The following SLC30A9 variants were observed in gnomAD, a reference collection of about 807,000 sequenced individuals.
SLC30A9 encodes the protein proton-coupled zinc antiporter SLC30A9, mitochondrial.
Under a neutral mutation model 87.5 loss-of-function variants are expected in SLC30A9, and 58 were observed. That is an observed-to-expected ratio of 0.66 (90% CI 0.54 to 0.82). The LOEUF (loss-of-function observed/expected upper bound fraction) is 0.82. SLC30A9 is among the 40% of genes least tolerant of loss of function. SLC30A9 has a pLI of 0.00. For synonymous variants in SLC30A9, 234 were observed against 233.0 expected (o/e 1.00, Z -0.04); for missense variants, 557 against 679.1 (o/e 0.82, Z 2.00).
chr4:42,001,609 C>G lies in SLC30A9; in HGVS notation c.110-7C>G. On this transcript the variant is annotated splice_polypyrimidine_tract_variant and splice_region_variant and intron_variant, in intron 1 of 17. Coordinates refer to ENST00000264451, the MANE Select transcript of SLC30A9 (RefSeq NM_006345.4). ...TGAAATTAAAGTATATATATTTTTT[C>G]TTTTAGAGTGGCAGAATTTAGTGAC... is the stretch of plus-strand genomic sequence containing the variant. The G allele has an allele frequency of 1.9e-6, 3 of 1,557,740 alleles. No homozygotes were observed. The highest frequency in any genetic ancestry group is 2.6e-6 in the Non-Finnish European group (3 of 1,142,362).
intron 8 of SLC30A9, among the ~76,000 whole-genome samples, chr4:42,044,493 A>G (rs899234357): frequency 2.6e-5 from 4 of 152,132 alleles, no homozygotes; most frequent in Non-Finnish European, 4.4e-5. Context: ...TGGTAAAGGG[A>G]TCAATGCAAC....
At position 42,039,046 on chromosome 4, in the gene SLC30A9, A is replaced by G; in HGVS notation, c.730A>G (p.Ile244Val). Reference protein sequence around the residue: ...KGPGKVVMVAICINGLNCFFK... With the variant: ...KGPGKVVMVAVCINGLNCFFK... ...ACCAGGAAAAGTGGTGATGGTTGCA[A>G]TTTGCATGTAAGTACTGAAAAATAA... is the stretch of plus-strand genomic sequence containing the variant. Residue 244 changes from isoleucine (I) to valine (V), a missense_variant, in exon 8 of 18, where the codon ATT (isoleucine) becomes GTT (valine). Coordinates refer to ENST00000264451, the MANE Select transcript of SLC30A9 (RefSeq NM_006345.4). 6.2e-7 allele frequency: 1 copy of G among 1,608,828 alleles called. No individual in the cohort carries two copies. The highest frequency in any genetic ancestry group is 8.5e-7 in the Non-Finnish European group (1 of 1,175,318).
intron 16 of SLC30A9, among the ~76,000 whole-genome samples, chr4:42,076,216 CAG>C (rs1332257423): frequency 6.6e-6 from 1 of 152,194 alleles, no homozygotes; most frequent in South Asian, 2.1e-4. Flanking sequence ...ATTTATAAAA[CAG>C]AATATAATGA....
At position 42,033,859 on chromosome 4, in the gene SLC30A9, G is replaced by A. The variant is rs552630652; in HGVS notation, c.611-1416G>A. Among the ~76,000 whole-genome samples the A allele has an allele frequency of 2.5e-4, 38 of 152,286 alleles. 1 individual carries two copies. In the South Asian group the frequency reaches 7.3e-3, roughly 29 times the overall value. On this transcript the variant is annotated intron_variant, in intron 6 of 17. Coordinates refer to ENST00000264451, the MANE Select transcript of SLC30A9 (RefSeq NM_006345.4). ...CAAAGTGCTGGGATTACAGGCATGA[G>A]CCACCGTGCCCGGCTGCTCTTGCTT...
chr4:42,020,760 C>G (rs1715913806), intron 4 of SLC30A9: 1 of 365,216 alleles, frequency 2.7e-6, no homozygotes. Context: ...GTAAATTCTT[C>G]AAAAGCTTTC....
chr4:42,067,431 G>T (rs1718122456), intron 14 of SLC30A9, among the ~76,000 whole-genome samples: 2 of 152,172 alleles, frequency 1.3e-5, no homozygotes, highest in Admixed American at 1.3e-4. Flanking sequence ...TTTCTGTAAT[G>T]CTGTACGTCT....
At chr4:42,011,660 T>C (rs1042164942) in intron 2 of SLC30A9, among the ~76,000 whole-genome samples, 1 of 152,206 alleles carries the variant, frequency 6.6e-6, no homozygotes, top group South Asian at 2.1e-4. Context: ...CGAAAGCCAA[T>C]AGAATCAATA....
intron 2 of SLC30A9, among the ~76,000 whole-genome samples, chr4:42,015,831 T>C (rs1008292770): frequency 7.2e-5 from 11 of 152,202 alleles, no homozygotes; most frequent in African/African-American, 1.9e-4. Flanking sequence ...ATCTTCATGT[T>C]GGTAATCTAG....
intron 6 of SLC30A9, among the ~76,000 whole-genome samples, chr4:42,027,227 A>G (rs991056386): frequency 7.2e-5 from 11 of 152,236 alleles, no homozygotes; most frequent in Admixed American, 3.9e-4. Flanking sequence ...GTGACAGATG[A>G]AAATTAAATG....
At chr4:42,026,953 T>G (rs200800837) in intron 6 of SLC30A9, among the ~76,000 whole-genome samples, 50 of 151,946 alleles carry the variant, frequency 3.3e-4, no homozygotes, top group East Asian at 1.7e-3. Context: ...TTCTGTGGGG[T>G]TTTTTTTGTT....
chr4:42,030,835 T>C (rs557827766), intron 6 of SLC30A9, among the ~76,000 whole-genome samples: 1 of 152,344 alleles, frequency 6.6e-6, no homozygotes, highest in South Asian at 2.1e-4. Context: ...CCTTGTCCTC[T>C]AGTATGTTCT....
At position 42,068,369 on chromosome 4, in the gene SLC30A9, G is replaced by C. The variant is rs1018168090; in HGVS notation, c.1252+1177G>C. ...AGCAATTCTCCTGCCTCAGCCTCCC[G>C]AGTAGCTGGGATTACAGGCATGCGC... is the stretch of plus-strand genomic sequence containing the variant. On this transcript the variant is annotated intron_variant, in intron 14 of 17. Transcript: ENST00000264451. 2.8e-4 allele frequency among the ~76,000 whole-genome samples: 42 copies of C among 151,558 alleles called. 1 individual carries two copies. Among genetic ancestry groups the C allele is most frequent in the Middle Eastern group, 3.4e-3 (1 of 294 alleles).
intron 2 of SLC30A9, among the ~76,000 whole-genome samples, chr4:42,016,096 A>C (rs180993204): frequency 1.3e-5 from 2 of 152,238 alleles, no homozygotes; most frequent in African/African-American, 4.8e-5. Flanking sequence ...TCTGTGCCTC[A>C]GTTTTCTCAT....
intron 14 of SLC30A9, among the ~76,000 whole-genome samples, chr4:42,068,489 C>T (rs1260631935): frequency 6.6e-6 from 1 of 152,212 alleles, no homozygotes; most frequent in Non-Finnish European, 1.5e-5. Context: ...GGGTGATCCT[C>T]CCACCTTGGC....
intron 9 of SLC30A9, 147 bp from the exon 10 acceptor site, chr4:42,060,044 C>A: frequency 1.8e-6 from 1 of 548,366 alleles, no homozygotes. Flanking sequence ...AAGGTAAGTA[C>A]TAGAAACCAG....
rs1405768138 is a variant in SLC30A9 at position 42,086,621 on chromosome 4, A to G, written c.*495A>G. 1 of 152,692 alleles carries G rather than the reference A, an allele frequency of 6.5e-6. No homozygotes were observed. The highest frequency in any genetic ancestry group is 1.5e-5 in the Non-Finnish European group (1 of 68,098). The allele number at this position is 152,692 out of a possible 1,614,324, so 9.5% of individuals were successfully genotyped here. On this transcript the variant is annotated 3_prime_UTR_variant, in exon 18 of 18. Transcript: ENST00000264451. The stretch of plus-strand genomic sequence containing the variant: ...CGTTTCAAAGTCTGTCTTTCCTTAT[A>G]GAATGTGGAAATTATTTCTCCATAC...
At chr4:42,082,035 A>G (rs968197027) in intron 17 of SLC30A9, among the ~76,000 whole-genome samples, 11 of 151,654 alleles carry the variant, frequency 7.3e-5, no homozygotes, top group Admixed American at 1.3e-4. Context: ...GGCTAAAATG[A>G]CGAAACCCCG....
At chr4:42,082,607 G>A (rs569842860) in intron 17 of SLC30A9, among the ~76,000 whole-genome samples, 1 of 152,296 alleles carries the variant, frequency 6.6e-6, no homozygotes, top group South Asian at 2.1e-4. Context: ...CAGCACTTTG[G>A]GAGGCCAAGG....
chr4:42,030,682 T>C (rs1161662121), intron 6 of SLC30A9, among the ~76,000 whole-genome samples: 2 of 152,052 alleles, frequency 1.3e-5, no homozygotes, highest in East Asian at 3.9e-4. Flanking sequence ...GGTCTTACTT[T>C]ATTATTATTT....
Sources: gnomAD v4.1 joint callset for allele counts (sites outside exome capture counted in the v4.1 genomes callset) on GRCh38, gnomAD v4.1.1 for gene constraint, MANE v1.5 for transcripts, NCBI Gene and HGNC (gene_info 2026-07-23, HGNC 2026-07-21) for gene names.